SPTLC2: variants seen among roughly 807,000 people sequenced by gnomAD.
SPTLC2 encodes the protein serine palmitoyltransferase 2.
SPTLC2 carries 21 observed loss-of-function variants against 62.0 expected under a neutral mutation model. That is an observed-to-expected ratio of 0.34 (90% CI 0.24 to 0.49). The LOEUF (loss-of-function observed/expected upper bound fraction) is 0.49. SPTLC2 is among the 20% of genes least tolerant of loss of function. The pLI is 0.99. For missense variants in SPTLC2, 511 were observed against 713.0 expected (o/e 0.72, Z 3.23); for synonymous variants, 261 against 261.8 (o/e 1.00, Z 0.03).
intron 11 of SPTLC2, among the ~76,000 whole-genome samples, chr14:77,513,198 T>A (rs2079341884): frequency 6.6e-6 from 1 of 151,518 alleles, no homozygotes; most frequent in South Asian, 2.1e-4. Flanking sequence ...CTAATTTTTG[T>A]CCAGACAGGG....
chr14:77,533,300 CAAAAAAAAA>C (rs35192294), intron 9 of SPTLC2, among the ~76,000 whole-genome samples: 1 of 98,498 alleles, frequency 1.0e-5, no homozygotes, highest in Non-Finnish European at 2.1e-5. Context: ...AACTCCGTTG[CAAAAAAAAA>C]AAAAAAAAAA....
Position 77,560,845 on chromosome 14 carries a change from C to A in SPTLC2, c.850+1551G>T, listed in dbSNP as rs1008520048. Among the ~76,000 whole-genome samples the A allele has an allele frequency of 2.0e-5, 3 of 151,324 alleles. No individual in the cohort carries two copies. In the East Asian group the frequency reaches 5.8e-4, roughly 29 times the overall value. On this transcript the variant is annotated intron_variant, in intron 6 of 11. Coordinates refer to ENST00000216484, the MANE Select transcript of SPTLC2 (RefSeq NM_004863.4). ...GACACGACTAAGGGAACAACAGACA[C>A]TGGGGTCTACTTGAGAGTGAGGCAG...
chr14:77,535,954 C>T (rs193064166), intron 9 of SPTLC2: 39 of 455,086 alleles, frequency 8.6e-5, no homozygotes, highest in Admixed American at 5.0e-4. Context: ...AGGAGAGAAA[C>T]GATGATAGGT....
At chr14:77,561,213 T>C (rs1027143259) in intron 6 of SPTLC2, among the ~76,000 whole-genome samples, 2 of 152,090 alleles carry the variant, frequency 1.3e-5, no homozygotes, top group African/African-American at 4.8e-5. Flanking sequence ...CGATGTCCAA[T>C]TGAGGGGGCA....
At chr14:77,563,951 T>G (rs1408889841) in intron 5 of SPTLC2, among the ~76,000 whole-genome samples, 2 of 152,026 alleles carry the variant, frequency 1.3e-5, no homozygotes, top group Non-Finnish European at 2.9e-5. Context: ...GTTAAAAATG[T>G]ACAGATTAAA....
chr14:77,595,731 C>T (rs2079843199), intron 2 of SPTLC2, among the ~76,000 whole-genome samples: 2 of 152,314 alleles, frequency 1.3e-5, no homozygotes, highest in South Asian at 2.1e-4. Context: ...ATAATTGTTT[C>T]TTCTACAATC....
intron 4 of SPTLC2, 45 bp downstream of exon 4, chr14:77,576,722 A>C: frequency 6.2e-7 from 1 of 1,614,006 alleles, no homozygotes; most frequent in Non-Finnish European, 8.5e-7. Context: ...CCCTGACTAA[A>C]ACAATGTCAA....
chr14:77,512,294 GT>G lies in SPTLC2; in HGVS notation c.1678del (p.Thr560GlnfsTer38), dbSNP rs755405190. On this transcript the variant is annotated frameshift_variant, in exon 12 of 12. Transcript: ENST00000216484. LOFTEE classifies it high-confidence loss of function. ...GAGCACCAAAAAGGCTCAGTCTTCT[GT>G]TTCTTCATACGTCGTCTCGTCAAAG... Reference protein sequence around the residue: ...RPFDETTYEETED With the variant: ...RPFDETTYEEXED The G allele has an allele frequency of 6.2e-7, 1 of 1,614,076 alleles. No homozygotes were observed. The highest frequency in any genetic ancestry group is 8.5e-7 in the Non-Finnish European group (1 of 1,180,004).
chr14:77,587,751 C>T (rs951438155), intron 2 of SPTLC2, among the ~76,000 whole-genome samples: 19 of 108,564 alleles, frequency 1.8e-4, no homozygotes, highest in Middle Eastern at 4.8e-3. Context: ...GAGCAAAACT[C>T]TGTCTCAAAA....
chr14:77,600,410 G>A (rs537963398), intron 1 of SPTLC2, among the ~76,000 whole-genome samples: 167 of 152,224 alleles, frequency 1.1e-3, no homozygotes, highest in Non-Finnish European at 1.9e-3. Flanking sequence ...CCTCTCCAAG[G>A]TGAAAAGTCT....
At chr14:77,604,988 T>C (rs1349570240) in intron 1 of SPTLC2, among the ~76,000 whole-genome samples, 1 of 151,994 alleles carries the variant, frequency 6.6e-6, no homozygotes, top group Non-Finnish European at 1.5e-5. Flanking sequence ...CCACTTTGAC[T>C]TTCTACTTTA....
intron 3 of SPTLC2, among the ~76,000 whole-genome samples, chr14:77,577,662 G>C (rs1256895831): frequency 6.6e-6 from 1 of 152,224 alleles, no homozygotes; most frequent in Admixed American, 6.5e-5. Flanking sequence ...CACTTTGGGA[G>C]GCCGCGGTGG....
intron 6 of SPTLC2, 21 bp from the exon 7 acceptor site, chr14:77,557,167 C>T (rs749569692): frequency 2.1e-5 from 33 of 1,584,332 alleles, no homozygotes; most frequent in African/African-American, 2.7e-5. Flanking sequence ...CAAAAAAGAA[C>T]AGTTATACCG....
rs113608775 is a variant in SPTLC2 at position 77,552,539 on chromosome 14, C to T, written c.1177-317G>A. On this transcript the variant is annotated intron_variant, in intron 8 of 11. Transcript: ENST00000216484. ...TTAGAAATATGGCCGTGCATGGTGG[C>T]TCATGCCTGTAATCCCAGCAGTTTG... 0.028 allele frequency among the ~76,000 whole-genome samples: 4,317 copies of T among 152,186 alleles called. 220 individuals are homozygous for T. The highest frequency in any genetic ancestry group is 0.099 in the African/African-American group (4,095 of 41,502).
intron 9 of SPTLC2, among the ~76,000 whole-genome samples, chr14:77,533,929 C>T (rs944100033): frequency 5.9e-5 from 9 of 151,956 alleles, no homozygotes; most frequent in African/African-American, 1.7e-4. Flanking sequence ...GAGGCCGAGG[C>T]GGGAGGATCC....
chr14:77,570,379 C>A lies in SPTLC2; in HGVS notation c.756+5G>T, dbSNP rs760278699. 6.2e-7 allele frequency: 1 copy of A among 1,612,686 alleles called. No individual in the cohort carries two copies. The highest frequency in any genetic ancestry group is 8.5e-7 in the Non-Finnish European group (1 of 1,179,914). On this transcript the variant is annotated splice_donor_5th_base_variant and intron_variant, in intron 5 of 11. Transcript: ENST00000216484. Reference sequence around the variant, plus strand: ...GGAGTTTTCATAAATGACAGAGTATCTTACTTTGCCAACAAGAGCAGGAAT... The same window carrying A: ...GGAGTTTTCATAAATGACAGAGTATATTACTTTGCCAACAAGAGCAGGAAT...
At position 77,508,975 on chromosome 14, in the gene SPTLC2, C is replaced by T. The variant is rs991844848; in HGVS notation, c.*3309G>A. ...GGCCAAATAAAGGAAGAAGGCATTA[C>T]GGAGACAAATCACTGGAAGCATGTT... On this transcript the variant is annotated 3_prime_UTR_variant, in exon 12 of 12. Transcript: ENST00000216484. 4.6e-5 allele frequency: 7 copies of T among 152,274 alleles called. No homozygotes were observed. The highest frequency in any genetic ancestry group is 1.9e-4 in the East Asian group (1 of 5,182). The allele number at this position is 152,274 out of a possible 1,614,324, so 9.4% of individuals were successfully genotyped here. A position where few individuals can be genotyped will look rare whatever the true frequency, so the allele number is the denominator to read the frequency against.
At chr14:77,597,482 T>G (rs2079853827) in intron 1 of SPTLC2, 102 bp from the exon 2 acceptor site, 1 of 1,070,740 alleles carries the variant, frequency 9.3e-7, no homozygotes, top group Non-Finnish European at 1.3e-6. Flanking sequence ...CCTTAAGAAT[T>G]TTCTAAGTTC....
In SPTLC2 at chr14:77,509,615, G is replaced by A. The variant is rs2079322530; in HGVS notation, c.*2669C>T. ...ACTGTGTAAGAAACTACTCTTGTAT[G>A]CCTCAAATCGACTTATTCTCAATGA... On this transcript the variant is annotated 3_prime_UTR_variant, in exon 12 of 12. Transcript: ENST00000216484. 3.1e-6 allele frequency: 1 copy of A among 324,424 alleles called. No homozygotes were observed. Among genetic ancestry groups the A allele is most frequent in the Admixed American group, 4.9e-5 (1 of 20,446 alleles). The allele number at this position is 324,424 out of a possible 1,614,324, so 20.1% of individuals were successfully genotyped here. A position where few individuals can be genotyped will look rare whatever the true frequency, so the allele number is the denominator to read the frequency against.
Sources: gnomAD v4.1 joint callset for allele counts (sites outside exome capture counted in the v4.1 genomes callset) on GRCh38, gnomAD v4.1.1 for gene constraint, MANE v1.5 for transcripts, NCBI Gene and HGNC (gene_info 2026-07-23, HGNC 2026-07-21) for gene names.